Variants in VWA3B observed in about 807,000 individuals in gnomAD.
VWA3B encodes the protein von Willebrand factor A domain containing 3B, also known as von Willebrand factor A domain-containing protein 3B.
Under a neutral mutation model 158.3 loss-of-function variants are expected in VWA3B, and 138 were observed. The observed-to-expected ratio is 0.87, with a 90% CI of 0.76 to 1.00. VWA3B has a LOEUF of 1.00. VWA3B is among the 50% of genes least tolerant of loss of function. The probability of loss-of-function intolerance (pLI) is 0.00; values close to 1 mark genes in which losing one functional copy is unlikely to be tolerated. For missense variants in VWA3B, 1,555 were observed against 1,565.1 expected (o/e 0.99, Z 0.11); for synonymous variants, 596 against 587.3 (o/e 1.01, Z -0.21).
At chr2:98,239,341 C>T (rs201646584) in intron 19 of VWA3B, among the ~76,000 whole-genome samples, 1,517 of 24,458 alleles carry the variant, frequency 0.062, 30 homozygotes, top group African/African-American at 0.2. Flanking sequence ...GAAAAGTCCT[C>T]GTGCTAAATG....
chr2:98,179,409 G>T (rs200264884), intron 8 of VWA3B: 1 of 332,602 alleles, frequency 3.0e-6, no homozygotes, highest in Admixed American at 3.5e-5. Context: ...AATTGGCATT[G>T]TGGTTATTCT....
rs536935164 is a variant in VWA3B, at chr2:98,179,695, T to G, written c.1115-1321T>G. Among the ~76,000 whole-genome samples the G allele has an allele frequency of 2.6e-5, 4 of 152,070 alleles. No homozygotes were observed. In the South Asian group the frequency reaches 8.3e-4, roughly 32 times the overall value. Reference sequence around the variant, plus strand: ...CTTTTCTTTCTTTCTTTCTCTTCCTTTCTTTTTCTTTCTTTCTTCTTTCTT... The same window carrying G: ...CTTTTCTTTCTTTCTTTCTCTTCCTGTCTTTTTCTTTCTTTCTTCTTTCTT... On this transcript the variant is annotated intron_variant, in intron 8 of 27. Transcript: ENST00000477737.
chr2:98,232,169 T>G (rs899400414), intron 16 of VWA3B, among the ~76,000 whole-genome samples: 1 of 152,232 alleles, frequency 6.6e-6, no homozygotes, highest in African/African-American at 2.4e-5. Context: ...CTGTAATGGT[T>G]TTAAGGATAT....
Position 98,182,913 on chromosome 2 carries a change from A to G in VWA3B, c.1311+1701A>G, listed in dbSNP as rs117829297. On this transcript the variant is annotated intron_variant, in intron 9 of 27. Coordinates refer to ENST00000477737, the MANE Select transcript of VWA3B (RefSeq NM_144992.5). ...GCAGAGGGAGACTTTGTCTCAAAAT[A>G]AAATAAAATAAAAAATACATTAGAT... is the stretch of plus-strand genomic sequence containing the variant. 5.4e-4 allele frequency among the ~76,000 whole-genome samples: 82 copies of G among 152,336 alleles called. No homozygotes were observed. The East Asian group carries it at 0.015, about 28-fold the overall frequency.
intron 12 of VWA3B, among the ~76,000 whole-genome samples, chr2:98,194,937 G>A (rs1296906002): frequency 6.6e-6 from 1 of 152,188 alleles, no homozygotes; most frequent in Non-Finnish European, 1.5e-5. Flanking sequence ...AGGACTGAAT[G>A]CAAGAAGAGA....
At chr2:98,312,161 C>G (rs1690945962) in intron 27 of VWA3B, 39 bp from the exon 28 acceptor site, 1 of 1,614,006 alleles carries the variant, frequency 6.2e-7, no homozygotes, top group Admixed American at 1.7e-5. Flanking sequence ...CAGCAAAGAC[C>G]CTAACATCCT....
chr2:98,246,249 T>G (rs990845577), intron 19 of VWA3B, among the ~76,000 whole-genome samples: 1 of 152,290 alleles, frequency 6.6e-6, no homozygotes, highest in Admixed American at 6.5e-5. Flanking sequence ...TTTTCCATTA[T>G]TTTAAAAATA....
At chr2:98,273,907 T>C (rs1688363940) in intron 22 of VWA3B, among the ~76,000 whole-genome samples, 1 of 152,210 alleles carries the variant, frequency 6.6e-6, no homozygotes, top group Non-Finnish European at 1.5e-5. Flanking sequence ...GCAGAGATAA[T>C]TGTGTTCCAC....
chr2:98,239,959 AAAATGATGT>A (rs1407782139), intron 19 of VWA3B, among the ~76,000 whole-genome samples: 1 of 152,044 alleles, frequency 6.6e-6, no homozygotes, highest in Non-Finnish European at 1.5e-5. Context: ...AGCAAATGAC[AAAATGATGT>A]AAATGTAATG....
At chr2:98,304,978 G>A (rs1052372777) in intron 26 of VWA3B, among the ~76,000 whole-genome samples, 1 of 152,016 alleles carries the variant, frequency 6.6e-6, no homozygotes, top group Non-Finnish European at 1.5e-5. Context: ...TTGGATATAG[G>A]CATCCACCCT....
chr2:98,283,956 T>C (rs17428212), intron 22 of VWA3B, among the ~76,000 whole-genome samples: 5,934 of 152,246 alleles, frequency 0.039, 170 homozygotes, highest in Middle Eastern at 0.075. Flanking sequence ...GAACCTTGCA[T>C]TAGAAAGAAT....
At chr2:98,104,919 C>T (rs1461942818) in intron 2 of VWA3B, among the ~76,000 whole-genome samples, 2 of 152,150 alleles carry the variant, frequency 1.3e-5, no homozygotes. Context: ...CCCCTTACTC[C>T]TCACTCCTGT....
chr2:98,149,901 T>A (rs1335334253), intron 7 of VWA3B, among the ~76,000 whole-genome samples: 1 of 152,268 alleles, frequency 6.6e-6, no homozygotes, highest in African/African-American at 2.4e-5. Context: ...AACAGATAGA[T>A]GCATTGCTAC....
At chr2:98,274,827 T>A (rs1441518812) in intron 22 of VWA3B, among the ~76,000 whole-genome samples, 1 of 152,082 alleles carries the variant, frequency 6.6e-6, no homozygotes, top group Non-Finnish European at 1.5e-5. Flanking sequence ...TTGAGCCAGG[T>A]AGGAACACTG....
intron 3 of VWA3B, among the ~76,000 whole-genome samples, chr2:98,116,597 C>G (rs959930216): frequency 6.6e-6 from 1 of 152,160 alleles, no homozygotes; most frequent in Non-Finnish European, 1.5e-5. Context: ...GCCTTGACCT[C>G]CCGGGTCCGA....
intron 25 of VWA3B, among the ~76,000 whole-genome samples, chr2:98,301,086 C>T (rs982847121): frequency 1.3e-5 from 2 of 152,084 alleles, no homozygotes; most frequent in Middle Eastern, 3.4e-3. Context: ...GTCAGGAGAT[C>T]GAGACCATCC....
intron 23 of VWA3B, 82 bp from the exon 24 acceptor site, chr2:98,297,825 G>A: frequency 1.4e-6 from 2 of 1,402,516 alleles, no homozygotes; most frequent in South Asian, 1.7e-5. Context: ...TTATAACTCA[G>A]CATGGCCAGA....
chr2:98,093,462 A>C (rs1412934854), intron 2 of VWA3B, among the ~76,000 whole-genome samples, 174 bp downstream of exon 2: 1 of 152,172 alleles, frequency 6.6e-6, no homozygotes, highest in Non-Finnish European at 1.5e-5. Flanking sequence ...TATTAAGTAG[A>C]CGTACAATTG....
At chr2:98,265,799 G>C (rs1244440536) in intron 21 of VWA3B, among the ~76,000 whole-genome samples, 1 of 146,978 alleles carries the variant, frequency 6.8e-6, no homozygotes, top group Non-Finnish European at 1.5e-5. Context: ...GGCCAGTGAT[G>C]ATGAGCATTT....
Sources: allele counts gnomAD v4.1 joint callset (sites outside exome capture counted in the v4.1 genomes callset), GRCh38; gene constraint gnomAD v4.1.1; transcripts MANE v1.5; gene names NCBI Gene and HGNC (gene_info 2026-07-23, HGNC 2026-07-21).